ABCA4: variants seen among roughly 807,000 people sequenced by gnomAD.
ABCA4 encodes the protein retinal-specific phospholipid-transporting ATPase ABCA4.
In ABCA4, 196 loss-of-function variants were observed where a neutral mutation model predicts 263.7. The observed-to-expected ratio is 0.74, with a 90% CI of 0.66 to 0.84. The LOEUF is 0.84. Ranked by LOEUF, ABCA4 falls within the 40% of genes least tolerant of loss-of-function variation. ABCA4 has a pLI of 0.00. For synonymous variants in ABCA4, 1,133 were observed against 1,094.2 expected (o/e 1.04, Z -0.70); for missense variants, 2,792 against 2,855.1 (o/e 0.98, Z 0.50).
Position 94,040,117 on chromosome 1 carries a change from C to A in ABCA4, c.3533G>T (p.Ser1178Ile). 6.2e-7 allele frequency: 1 copy of A among 1,607,884 alleles called. No homozygotes were observed. The highest frequency in any genetic ancestry group is 8.5e-7 in the Non-Finnish European group (1 of 1,176,760). Residue 1178 changes from serine to isoleucine, a missense_variant, in exon 24 of 50, where the codon AGC becomes ATC. Ser to Ile is a moderately radical substitution (Grantham distance 142). Transcript: ENST00000370225. ...GGTGGAGAAACCCTTAGACGAGCAG[C>A]TGCAGGTCCCCTGCAACAGATGGAT... ...SQRKGSEGTC[S>I]CSSKGFSTTC...
chr1:93,994,652 T>C (rs1387736920), intron 49 of ABCA4, among the ~76,000 whole-genome samples: 1 of 152,242 alleles, frequency 6.6e-6, no homozygotes, highest in East Asian at 1.9e-4. Flanking sequence ...AAAGATAGTA[T>C]GTTGTAAAGT....
At chr1:94,029,803 G>A (rs894147839) in intron 29 of ABCA4, among the ~76,000 whole-genome samples, 172 bp from the exon 30 acceptor site, 1 of 152,168 alleles carries the variant, frequency 6.6e-6, no homozygotes, top group Non-Finnish European at 1.5e-5. Flanking sequence ...AGGGTTTTGT[G>A]ACTGACTAGG....
intron 4 of ABCA4, among the ~76,000 whole-genome samples, chr1:94,104,442 C>G (rs894354599): frequency 6.6e-6 from 1 of 152,234 alleles, no homozygotes; most frequent in Non-Finnish European, 1.5e-5. Context: ...CTCCCCTCCC[C>G]CAGTGGCCAA....
Position 94,046,946 on chromosome 1 carries a change from T to TGGC in ABCA4, c.2888_2890dup (p.Gly963_His964insArg). The stretch of plus-strand genomic sequence containing the variant: ...GGTGGTGGTTTTCCCAGCTCCATTG[T>TGGC]GGCCCAGGAATGCGGTGATCTGGTT... On this transcript the variant is annotated inframe_insertion, in exon 19 of 50. Transcript: ENST00000370225. 3 of 1,614,190 alleles carry TGGC rather than the reference T, an allele frequency of 1.9e-6. No individual in the cohort carries two copies. The highest frequency in any genetic ancestry group is 2.5e-6 in the Non-Finnish European group (3 of 1,180,036).
At chr1:94,089,567 G>C (rs1240048079) in intron 6 of ABCA4, among the ~76,000 whole-genome samples, 2 of 151,630 alleles carry the variant, frequency 1.3e-5, no homozygotes, top group African/African-American at 4.9e-5. Context: ...GGGTTCAAGT[G>C]ATTCTCCTGC....
At chr1:94,070,748 C>T (rs893256381) in intron 11 of ABCA4, among the ~76,000 whole-genome samples, 17 of 152,022 alleles carry the variant, frequency 1.1e-4, no homozygotes, top group Admixed American at 7.9e-4. Context: ...ACCTGGCAGT[C>T]GAGTGGGGGA....
chr1:94,115,429 G>T (rs1662732566), intron 1 of ABCA4, among the ~76,000 whole-genome samples: 1 of 152,188 alleles, frequency 6.6e-6, no homozygotes, highest in Admixed American at 6.5e-5. Context: ...TAACCTCTGA[G>T]TCTCAGTTTT....
chr1:94,001,770 T>C (rs1351723498), intron 45 of ABCA4, 88 bp downstream of exon 45: 1 of 1,598,230 alleles, frequency 6.3e-7, no homozygotes, highest in African/African-American at 1.3e-5. Context: ...CTGCAGTTTC[T>C]AAATCTGCCG....
At position 94,021,333 on chromosome 1, in the gene ABCA4, C is replaced by A. The variant is rs114518437; in HGVS notation, c.4925G>T (p.Ser1642Ile). 6.8e-4 allele frequency: 1,103 copies of A among 1,614,182 alleles called. 3 individuals are homozygous for A. In the African/African-American group the frequency reaches 0.013, roughly 19 times the overall value. Residue 1642 changes from serine to isoleucine, a missense_variant, in exon 35 of 50, where the codon AGC (serine) becomes ATC (isoleucine). Transcript: ENST00000370225. Reference protein sequence around the residue: ...NVAHNAILRASLPKDRSPEEY... With the variant: ...NVAHNAILRAILPKDRSPEEY... ...CTCGGGGCTCCTGTCCTTAGGCAGG[C>A]TGGCCCGTAAGATGGCGTTGTGGGC...
In ABCA4 at chr1:94,077,684, C is replaced by T; in HGVS notation, c.1554+6G>A. Reference sequence around the variant, plus strand: ...GGGGCCCACTGTGGGGCTTGCAGCCCCTTACCTCCAGGTATTGATTGACCA... The same window carrying T: ...GGGGCCCACTGTGGGGCTTGCAGCCTCTTACCTCCAGGTATTGATTGACCA... On this transcript the variant is annotated splice_donor_region_variant and intron_variant, in intron 11 of 49. Coordinates refer to ENST00000370225, the MANE Select transcript of ABCA4 (RefSeq NM_000350.3). The T allele has an allele frequency of 1.2e-6, 2 of 1,607,982 alleles. No homozygotes were observed. Among genetic ancestry groups the T allele is most frequent in the South Asian group, 1.1e-5 (1 of 90,356 alleles).
intron 3 of ABCA4, among the ~76,000 whole-genome samples, chr1:94,110,729 C>T (rs1662578739): frequency 6.6e-6 from 1 of 152,222 alleles, no homozygotes; most frequent in Non-Finnish European, 1.5e-5. Flanking sequence ...AGACCTGAGG[C>T]TACTAACCTG....
chr1:94,117,021 T>C (rs1430975150), intron 1 of ABCA4, among the ~76,000 whole-genome samples: 1 of 147,272 alleles, frequency 6.8e-6, no homozygotes, highest in Non-Finnish European at 1.5e-5. Context: ...TTTCTTTCTT[T>C]CTTTCCTTTT....
At chr1:94,078,207 T>C (rs1661590694) in intron 10 of ABCA4, among the ~76,000 whole-genome samples, 1 of 152,234 alleles carries the variant, frequency 6.6e-6, no homozygotes, top group Non-Finnish European at 1.5e-5. Flanking sequence ...TATAGAACTC[T>C]TGTCTTCATT....
intron 4 of ABCA4, among the ~76,000 whole-genome samples, 190 bp downstream of exon 4, chr1:94,108,387 C>T (rs1346409128): frequency 1.3e-5 from 2 of 152,218 alleles, no homozygotes; most frequent in Middle Eastern, 3.2e-3. Context: ...TCCTTCCCAA[C>T]TTCCTACCTT....
chr1:94,120,886 T>TTCCCCC, intron 1 of ABCA4, 94 bp downstream of exon 1: 6 of 155,290 alleles, frequency 3.9e-5, no homozygotes, highest in Non-Finnish European at 6.4e-5. Context: ...CCCCCCACCC[T>TTCCCCC]GCCCCACCAC....
chr1:94,049,039 G>C, intron 17 of ABCA4, 82 bp from the exon 18 acceptor site: 1 of 1,396,574 alleles, frequency 7.2e-7, no homozygotes, highest in Non-Finnish European at 1.0e-6. Flanking sequence ...AGAGGTACAG[G>C]GAGCAAATGA....
intron 36 of ABCA4, among the ~76,000 whole-genome samples, chr1:94,017,724 T>C (rs1659778399): frequency 6.6e-6 from 1 of 151,750 alleles, no homozygotes. Flanking sequence ...CTGAGGGGTG[T>C]GAGAGAGAGA....
intron 26 of ABCA4, among the ~76,000 whole-genome samples, chr1:94,034,738 C>G (rs997951667): frequency 2.0e-5 from 3 of 151,832 alleles, no homozygotes; most frequent in African/African-American, 4.8e-5. Context: ...CAGTTCCCCC[C>G]AGATGGGGCA....
intron 18 of ABCA4, 35 bp from the exon 19 acceptor site, chr1:94,047,128 A>G: frequency 6.2e-7 from 1 of 1,610,950 alleles, no homozygotes; most frequent in Non-Finnish European, 8.5e-7. Context: ...ATGTAAACAT[A>G]ATGCCTAATT....
Sources: allele counts gnomAD v4.1 joint callset (sites outside exome capture counted in the v4.1 genomes callset), GRCh38; gene constraint gnomAD v4.1.1; transcripts MANE v1.5; gene names NCBI Gene and HGNC (gene_info 2026-07-23, HGNC 2026-07-21).